The following KITLG variants were observed in gnomAD, a reference collection of about 807,000 sequenced individuals.
The protein encoded by KITLG is KIT ligand, also known as c-Kit ligand.
KITLG carries 13 observed loss-of-function variants against 34.1 expected under a neutral mutation model. That is an observed-to-expected ratio of 0.38 (90% CI 0.25 to 0.61). The LOEUF (loss-of-function observed/expected upper bound fraction) is 0.61, where lower values mean the gene tolerates loss of function less well. KITLG is among the 20% of genes least tolerant of loss of function. The probability of loss-of-function intolerance (pLI) is 0.60; values close to 1 mark genes in which losing one functional copy is unlikely to be tolerated. For missense variants in KITLG, 292 were observed against 318.9 expected (o/e 0.92, Z 0.64); for synonymous variants, 110 against 104.0 (o/e 1.06, Z -0.35).
At chr12:88,566,044 G>A (rs1407851658) in intron 1 of KITLG, among the ~76,000 whole-genome samples, 2 of 152,120 alleles carry the variant, frequency 1.3e-5, no homozygotes, top group Non-Finnish European at 2.9e-5. Context: ...CTTAAGAATG[G>A]CAAGCAATGG....
chr12:88,497,817 A>G (rs1868700002), intron 9 of KITLG, among the ~76,000 whole-genome samples: 1 of 152,182 alleles, frequency 6.6e-6, no homozygotes, highest in African/African-American at 2.4e-5. Context: ...CCGCTCTAGT[A>G]TCTTGACTAT....
intron 1 of KITLG, among the ~76,000 whole-genome samples, chr12:88,575,775 ACT>A (rs1480231734): frequency 6.6e-6 from 1 of 152,184 alleles, no homozygotes; most frequent in African/African-American, 2.4e-5. Flanking sequence ...ATAAAAGATC[ACT>A]CTTCAGAGAT....
intron 1 of KITLG, among the ~76,000 whole-genome samples, chr12:88,569,321 TA>T (rs1427794663): frequency 2.6e-5 from 4 of 152,168 alleles, no homozygotes; most frequent in Non-Finnish European, 4.4e-5. Flanking sequence ...GTTTTTGTTT[TA>T]AAAAAAGAAT....
chr12:88,576,839 AG>A (rs1418328301), intron 1 of KITLG, among the ~76,000 whole-genome samples: 2 of 152,106 alleles, frequency 1.3e-5, no homozygotes, highest in East Asian at 3.9e-4. Context: ...TATTTGAGTG[AG>A]AAATTTTTAT....
At chr12:88,519,092 C>T (rs1250628998) in intron 3 of KITLG, among the ~76,000 whole-genome samples, 2 of 152,062 alleles carry the variant, frequency 1.3e-5, no homozygotes, top group Non-Finnish European at 2.9e-5. Context: ...AACTTCCTGA[C>T]CTCAAATGAT....
At chr12:88,528,108 G>A (rs1295907186) in intron 3 of KITLG, among the ~76,000 whole-genome samples, 1 of 152,142 alleles carries the variant, frequency 6.6e-6, no homozygotes, top group African/African-American at 2.4e-5. Flanking sequence ...ATTCATTAGG[G>A]CTGTGTTTCT....
chr12:88,573,320 G>C (rs530937364), intron 1 of KITLG, among the ~76,000 whole-genome samples: 2 of 152,136 alleles, frequency 1.3e-5, no homozygotes, highest in African/African-American at 4.8e-5. Flanking sequence ...CAAAGAATCT[G>C]TGTGTTTTCC....
chr12:88,530,467 A>G (rs2120874659), intron 3 of KITLG, among the ~76,000 whole-genome samples: 1 of 152,250 alleles, frequency 6.6e-6, no homozygotes, highest in Non-Finnish European at 1.5e-5. Flanking sequence ...TTGCAAATGG[A>G]AAAGTGTTAT....
At chr12:88,537,283 C>G (rs1412030165) in intron 2 of KITLG, among the ~76,000 whole-genome samples, 6 of 152,058 alleles carry the variant, frequency 3.9e-5, no homozygotes, top group Non-Finnish European at 7.4e-5. Flanking sequence ...CCATGGAATA[C>G]TATGCAGCCA....
At chr12:88,522,467 G>A (rs1188842625) in intron 3 of KITLG, among the ~76,000 whole-genome samples, 1 of 127,632 alleles carries the variant, frequency 7.8e-6, no homozygotes, top group Non-Finnish European at 1.6e-5. Flanking sequence ...TGCTCTTCTC[G>A]CCCACGCTGG....
intron 1 of KITLG, among the ~76,000 whole-genome samples, chr12:88,551,536 G>A: frequency 6.6e-6 from 1 of 152,170 alleles, no homozygotes; most frequent in South Asian, 2.1e-4. Flanking sequence ...CCTTCTCCAA[G>A]TGGTTCCAAA....
chr12:88,530,695 C>T (rs896548497), intron 3 of KITLG, among the ~76,000 whole-genome samples: 1 of 152,080 alleles, frequency 6.6e-6, no homozygotes, highest in South Asian at 2.1e-4. Context: ...TTCCAGAGAA[C>T]TCCCCCTAAC....
chr12:88,555,867 C>T (rs940194427), intron 1 of KITLG, among the ~76,000 whole-genome samples: 2 of 152,148 alleles, frequency 1.3e-5, no homozygotes, highest in Admixed American at 6.5e-5. Flanking sequence ...GACAGAAAGA[C>T]TATGATCACT....
Position 88,580,393 on chromosome 12 carries a change from T to C in KITLG, c.-115A>G. On this transcript the variant is annotated 5_prime_UTR_variant, in exon 1 of 10. Transcript: ENST00000644744. ...GGCGGCAGATAGTCCACGCATTGGG[T>C]AGCCCGAGCGCAGCGCCCTCTCCAC... is the stretch of plus-strand genomic sequence containing the variant. The C allele has an allele frequency of 8.1e-7, 1 of 1,229,204 alleles. No homozygotes were observed. The highest frequency in any genetic ancestry group is 2.5e-5 in the East Asian group (1 of 39,502). The allele number at this position is 1,229,204 out of a possible 1,614,324, so 76.1% of individuals were successfully genotyped here.
rs575360334 is a variant in KITLG, at chr12:88,549,584, A to C, written c.16-3719T>G. Among the ~76,000 whole-genome samples, 10 of 152,324 alleles carry C rather than the reference A, an allele frequency of 6.6e-5. No homozygotes were observed. The East Asian group carries it at 1.9e-3, about 29-fold the overall frequency. On this transcript the variant is annotated intron_variant, in intron 1 of 9. Coordinates refer to ENST00000644744, the MANE Select transcript of KITLG (RefSeq NM_000899.5). The stretch of plus-strand genomic sequence containing the variant: ...GTGTTGCCATCAACTGATATGGGGA[A>C]GACTGGGGGTAGAGAAGGTTTGGGA...
At chr12:88,506,568 T>A (rs1444264824) in intron 7 of KITLG, among the ~76,000 whole-genome samples, 190 bp from the exon 8 acceptor site, 1 of 152,184 alleles carries the variant, frequency 6.6e-6, no homozygotes, top group Non-Finnish European at 1.5e-5. Context: ...TCAACATTTT[T>A]AGGATGTTGG....
intron 1 of KITLG, among the ~76,000 whole-genome samples, chr12:88,556,130 A>G (rs1871089440): frequency 2.6e-5 from 4 of 151,246 alleles, no homozygotes; most frequent in Admixed American, 2.6e-4. Context: ...AGGAAGTAGC[A>G]GGTGCCCACA....
intron 2 of KITLG, among the ~76,000 whole-genome samples, chr12:88,536,844 G>A (rs948947632): frequency 6.6e-6 from 1 of 152,094 alleles, no homozygotes; most frequent in Admixed American, 6.6e-5. Flanking sequence ...GGTATTGGGG[G>A]GCTAGGCGAA....
At chr12:88,549,015 T>C (rs951478871) in intron 1 of KITLG, among the ~76,000 whole-genome samples, 6 of 152,166 alleles carry the variant, frequency 3.9e-5, no homozygotes, top group Admixed American at 3.9e-4. Context: ...CACCAAAGAT[T>C]GGACAAAGCT....
Sources: gnomAD v4.1 joint callset for allele counts (sites outside exome capture counted in the v4.1 genomes callset) on GRCh38, gnomAD v4.1.1 for gene constraint, MANE v1.5 for transcripts, NCBI Gene and HGNC (gene_info 2026-07-23, HGNC 2026-07-21) for gene names.